The following CRLS1 variants were observed in gnomAD, a reference collection of about 807,000 sequenced individuals.
CRLS1 encodes the protein cardiolipin synthase 1.
In CRLS1, 24 loss-of-function variants were observed where a neutral mutation model predicts 37.0. The ratio of observed to expected loss-of-function variants is 0.65; its 90% CI spans 0.47 to 0.91. The LOEUF (loss-of-function observed/expected upper bound fraction) is 0.91. Ranked by LOEUF, CRLS1 falls within the 40% of genes least tolerant of loss-of-function variation. CRLS1 has a pLI of 0.00. For synonymous variants in CRLS1, 135 were observed against 159.7 expected, an observed-to-expected ratio of 0.85 and a Z score of 1.17; for missense variants, 373 against 395.8, an observed-to-expected ratio of 0.94 and a Z score of 0.49.
Position 6,009,706 on chromosome 20 carries a change from T to C in CRLS1, c.307-69T>C, listed in dbSNP as rs554179217. The C allele has an allele frequency of 4.0e-6, 5 of 1,237,752 alleles. No individual in the cohort carries two copies. In the South Asian group the frequency reaches 6.9e-5, roughly 17 times the overall value. 76.7% of individuals were successfully genotyped at this position (1,237,752 alleles called of 1,614,324 possible). On this transcript the variant is annotated intron_variant, in intron 1 of 6. Coordinates refer to ENST00000378863, the MANE Select transcript of CRLS1 (RefSeq NM_019095.6). ...GTTGATGAAGTATATTTTTCTAATGTATGTATATAGTTATTCAAAGTATGA... is the reference window on the plus strand; with the variant it reads ...GTTGATGAAGTATATTTTTCTAATGCATGTATATAGTTATTCAAAGTATGA...
At chr20:6,033,669 CT>C (rs1980348019) in intron 5 of CRLS1, among the ~76,000 whole-genome samples, 1 of 150,770 alleles carries the variant, frequency 6.6e-6, no homozygotes, top group Non-Finnish European at 1.5e-5. Flanking sequence ...GAGAGAGGTT[CT>C]TTTATGGAGA....
chr20:6,007,340 A>G, intron 1 of CRLS1: 1 of 1,609,796 alleles, frequency 6.2e-7, no homozygotes, highest in Non-Finnish European at 8.5e-7. Context: ...TGAATGCTGG[A>G]TACTTTGAAG....
chr20:6,015,444 T>TA lies in CRLS1; in HGVS notation c.529dup (p.Ile177AsnfsTer7). ...TTGATCCACTTGCTGATAAAATACTTATCAGTATCTTATATGTTAGCTTGA... is the reference window on the plus strand; with the variant it reads ...TTGATCCACTTGCTGATAAAATACTTAATCAGTATCTTATATGTTAGCTTGA... On this transcript the variant is annotated frameshift_variant, in exon 3 of 7. Transcript: ENST00000378863. 1 of 1,610,340 alleles carries TA rather than the reference T, an allele frequency of 6.2e-7. No homozygotes were observed. The highest frequency in any genetic ancestry group is 8.5e-7 in the Non-Finnish European group (1 of 1,176,660).
chr20:6,027,838 T>C (rs888188082), intron 3 of CRLS1, among the ~76,000 whole-genome samples: 1 of 152,226 alleles, frequency 6.6e-6, no homozygotes, highest in African/African-American at 2.4e-5. Context: ...GCCCTAGCAG[T>C]AAGGTGTTAG....
At chr20:6,018,216 C>CCA (rs1978916702) in intron 3 of CRLS1, among the ~76,000 whole-genome samples, 1 of 78,364 alleles carries the variant, frequency 1.3e-5, no homozygotes, top group Non-Finnish European at 2.3e-5. Context: ...ACTCTGTCCT[C>CCA]AAAAAAAAAA....
intron 2 of CRLS1, among the ~76,000 whole-genome samples, chr20:6,014,429 C>A (rs372197892): frequency 6.6e-6 from 1 of 152,110 alleles, no homozygotes; most frequent in Non-Finnish European, 1.5e-5. Context: ...TGATTAATTG[C>A]GTCTAAATTA....
intron 1 of CRLS1, chr20:6,007,384 G>C (rs750341656): frequency 6.2e-7 from 1 of 1,613,582 alleles, no homozygotes; most frequent in Admixed American, 1.7e-5. Context: ...TTCCCAGAAC[G>C]GCAGTAGTTG....
At chr20:6,031,027 T>A (rs1311365084) in intron 3 of CRLS1, 1 of 340,570 alleles carries the variant, frequency 2.9e-6, no homozygotes, top group Non-Finnish European at 5.3e-6. Flanking sequence ...GATGAGAAGA[T>A]CAGCATACTG....
At chr20:6,022,384 G>T (rs1321407300) in intron 3 of CRLS1, among the ~76,000 whole-genome samples, 1 of 145,412 alleles carries the variant, frequency 6.9e-6, no homozygotes, top group Admixed American at 7.0e-5. Flanking sequence ...TGTCACCCAG[G>T]CTGGAGTGCA....
At position 6,039,033 on chromosome 20, in the gene CRLS1, A is replaced by G. The variant is rs1387881963; in HGVS notation, c.*1875A>G. Reference sequence around the variant, plus strand: ...TACTTGTTTATAGACTCAAAACATGATGAAAATTCATTTCATTGTCTTCAC... The same window carrying G: ...TACTTGTTTATAGACTCAAAACATGGTGAAAATTCATTTCATTGTCTTCAC... On this transcript the variant is annotated 3_prime_UTR_variant, in exon 7 of 7. Coordinates refer to ENST00000378863, the MANE Select transcript of CRLS1 (RefSeq NM_019095.6). 2.0e-5 allele frequency: 3 copies of G among 152,248 alleles called. No homozygotes were observed. The highest frequency in any genetic ancestry group is 6.5e-5 in the Admixed American group (1 of 15,288). The allele number at this position is 152,248 out of a possible 1,614,324, so 9.4% of individuals were successfully genotyped here.
Position 6,037,835 on chromosome 20 carries a change from G to A in CRLS1, c.*677G>A, listed in dbSNP as rs1209307955. 1.3e-5 allele frequency: 2 copies of A among 152,188 alleles called. No homozygotes were observed. Among genetic ancestry groups the A allele is most frequent in the Non-Finnish European group, 2.9e-5 (2 of 68,040 alleles). 9.4% of individuals were successfully genotyped at this position (152,188 alleles called of 1,614,324 possible). ...ACAAAGATAGTCGAGATAGGAGAAC[G>A]TGTCTATTAGTCTTTGCATCTAAAA... On this transcript the variant is annotated 3_prime_UTR_variant, in exon 7 of 7. Coordinates refer to ENST00000378863, the MANE Select transcript of CRLS1 (RefSeq NM_019095.6).
upstream of CRLS1, chr20:6,006,005 T>C (rs1347090367): frequency 3.0e-6 from 1 of 337,732 alleles, no homozygotes; most frequent in East Asian, 4.5e-5. Flanking sequence ...GCGCCTCCGC[T>C]GTGCCAGGGG....
intron 2 of CRLS1, among the ~76,000 whole-genome samples, chr20:6,011,606 T>TGG (rs1391600324): frequency 1.6e-5 from 2 of 124,382 alleles, no homozygotes; most frequent in African/African-American, 6.9e-5. Context: ...TTTTTTTTTT[T>TGG]GGGGAGACTG....
chr20:6,037,541 A>G lies in CRLS1; in HGVS notation c.*383A>G, dbSNP rs912966716. ...TGCTCACAAAGCACTAGGAAATGTC[A>G]TGGGGTTCAAATATATATCCTACAC... On this transcript the variant is annotated 3_prime_UTR_variant, in exon 7 of 7. Transcript: ENST00000378863. 1.3e-5 allele frequency: 2 copies of G among 157,894 alleles called. No homozygotes were observed. Among genetic ancestry groups the G allele is most frequent in the Non-Finnish European group, 2.8e-5 (2 of 71,864 alleles). The allele number at this position is 157,894 out of a possible 1,614,324, so 9.8% of individuals were successfully genotyped here.
chr20:6,009,244 AC>A (rs2090099782), intron 1 of CRLS1, among the ~76,000 whole-genome samples: 1 of 151,402 alleles, frequency 6.6e-6, no homozygotes, highest in Non-Finnish European at 1.5e-5. Flanking sequence ...AATCACTTGA[AC>A]CCGGGAGGTG....
intron 3 of CRLS1, among the ~76,000 whole-genome samples, chr20:6,018,527 C>A (rs144632900): frequency 6.6e-6 from 1 of 152,138 alleles, no homozygotes; most frequent in East Asian, 1.9e-4. Flanking sequence ...AAGCCTTTAG[C>A]GTTTCACTAT....
At chr20:6,034,764 G>T (rs897797786) in intron 6 of CRLS1, among the ~76,000 whole-genome samples, 1 of 151,996 alleles carries the variant, frequency 6.6e-6, no homozygotes, top group Non-Finnish European at 1.5e-5. Context: ...GGGATAAAAG[G>T]TACTGATAAT....
chr20:6,024,640 T>C (rs1979532431), intron 3 of CRLS1, among the ~76,000 whole-genome samples: 1 of 152,152 alleles, frequency 6.6e-6, no homozygotes, highest in Admixed American at 6.5e-5. Flanking sequence ...TTAAGCTTAG[T>C]GAGGAGGGCA....
In CRLS1 at chr20:6,039,767, G is replaced by A. The variant is rs1032410319; in HGVS notation, c.*2609G>A. On this transcript the variant is annotated 3_prime_UTR_variant, in exon 7 of 7. Transcript: ENST00000378863. ...TTAAAAAAAAAAAAAAAGGAAATGT[G>A]AACAGAGAGAGAATGCCGTGAGATG... The A allele has an allele frequency of 3.3e-5, 5 of 149,734 alleles. No individual in the cohort carries two copies. The highest frequency in any genetic ancestry group is 5.9e-5 in the Non-Finnish European group (4 of 67,646). 9.3% of individuals were successfully genotyped at this position (149,734 alleles called of 1,614,324 possible).
Sources: allele counts gnomAD v4.1 joint callset (sites outside exome capture counted in the v4.1 genomes callset), GRCh38; gene constraint gnomAD v4.1.1; transcripts MANE v1.5; gene names NCBI Gene and HGNC (gene_info 2026-07-23, HGNC 2026-07-21).